GABPB1: variants seen among roughly 807,000 people sequenced by gnomAD.
GABPB1 encodes the protein GA-binding protein subunit beta-1.
GABPB1 carries 15 observed loss-of-function variants against 45.9 expected under a neutral mutation model. The observed-to-expected ratio is 0.33, with a 90% CI of 0.22 to 0.50. The LOEUF (loss-of-function observed/expected upper bound fraction) is 0.50. GABPB1 is among the 20% of genes least tolerant of loss of function. GABPB1 has a pLI of 0.98. For missense variants in GABPB1, 252 were observed against 457.5 expected (o/e 0.55, Z 4.10); for synonymous variants, 143 against 154.4 (o/e 0.93, Z 0.55).
chr15:50,340,644 G>A (rs2048324713), intron 1 of GABPB1, among the ~76,000 whole-genome samples: 1 of 149,372 alleles, frequency 6.7e-6, no homozygotes, highest in African/African-American at 2.5e-5. Context: ...TTAGTTCACA[G>A]AAAGAACTTC....
intron 1 of GABPB1, among the ~76,000 whole-genome samples, chr15:50,342,815 G>A (rs2048424534): frequency 6.6e-6 from 1 of 152,202 alleles, no homozygotes; most frequent in Non-Finnish European, 1.5e-5. Flanking sequence ...TTCTATAGTT[G>A]TTAGATAGGT....
At chr15:50,328,719 C>T (rs1273165061) in intron 1 of GABPB1, among the ~76,000 whole-genome samples, 1 of 152,146 alleles carries the variant, frequency 6.6e-6, no homozygotes, top group East Asian at 1.9e-4. Flanking sequence ...ATATCCAATT[C>T]CCAAACATTT....
chr15:50,290,545 C>G (rs980701933), intron 6 of GABPB1, among the ~76,000 whole-genome samples: 1 of 150,562 alleles, frequency 6.6e-6, no homozygotes, highest in Non-Finnish European at 1.5e-5. Flanking sequence ...GAGAAGAGAT[C>G]ATGCCACTGC....
chr15:50,296,270 T>A (rs117958884), intron 6 of GABPB1, among the ~76,000 whole-genome samples: 504 of 152,342 alleles, frequency 3.3e-3, no homozygotes, highest in Non-Finnish European at 5.3e-3. Context: ...ATGAGTGTAC[T>A]GATGGAGCTT....
chr15:50,280,976 A>C (rs2045953070), intron 8 of GABPB1, among the ~76,000 whole-genome samples: 1 of 152,232 alleles, frequency 6.6e-6, no homozygotes, highest in Non-Finnish European at 1.5e-5. Context: ...CGAGTGAGGT[A>C]GTCTAACAGT....
intron 1 of GABPB1, among the ~76,000 whole-genome samples, chr15:50,323,497 C>T (rs1057192786): frequency 1.3e-5 from 2 of 152,184 alleles, no homozygotes; most frequent in South Asian, 4.1e-4. Context: ...GGAGAGGTCA[C>T]TCAGCCTTTC....
intron 1 of GABPB1, chr15:50,354,647 G>A: frequency 2.3e-6 from 1 of 434,552 alleles, no homozygotes; most frequent in African/African-American, 2.2e-5. Context: ...CCACCCCGGG[G>A]CTGCCGCTCG....
intron 8 of GABPB1, 178 bp downstream of exon 8, chr15:50,285,890 C>G (rs1454903527): frequency 1.5e-5 from 21 of 1,360,518 alleles, no homozygotes; most frequent in Non-Finnish European, 1.9e-5. Flanking sequence ...TTCATTCATT[C>G]AATATTTATT....
chr15:50,296,181 C>T (rs978415534), intron 6 of GABPB1, among the ~76,000 whole-genome samples: 1 of 152,180 alleles, frequency 6.6e-6, no homozygotes, highest in African/African-American at 2.4e-5. Context: ...TCTGCTGCTA[C>T]ATTCTGGCTG....
intron 1 of GABPB1, among the ~76,000 whole-genome samples, chr15:50,325,530 T>A (rs1033894618): frequency 6.6e-6 from 1 of 152,128 alleles, no homozygotes; most frequent in African/African-American, 2.4e-5. Flanking sequence ...GTCAAACTTT[T>A]TTTTTTGTTT....
intron 7 of GABPB1, among the ~76,000 whole-genome samples, chr15:50,288,867 C>A (rs971286326): frequency 6.6e-6 from 1 of 151,898 alleles, no homozygotes. Context: ...TCTCTGTTGC[C>A]CAGGCTGGAA....
In GABPB1 at chr15:50,298,965, AAG is replaced by A. The variant is rs2046624728; in HGVS notation, c.697+1822_697+1823del. On this transcript the variant is annotated intron_variant, in intron 6 of 8. Coordinates refer to ENST00000380877, the MANE Select transcript of GABPB1 (RefSeq NM_016654.5). ...AGACTCCATGTCAAAAAAAAAAAAA[AAG>A]AAAGAGAAAAGAAAAGAAAAAGAGA... is the stretch of plus-strand genomic sequence containing the variant. 4.0e-5 allele frequency among the ~76,000 whole-genome samples: 6 copies of A among 151,612 alleles called. No homozygotes were observed. The South Asian group carries it at 1.0e-3, about 26-fold the overall frequency.
intron 1 of GABPB1, among the ~76,000 whole-genome samples, chr15:50,337,102 TATATATATATATATATATATATATATA>T (rs869223015): frequency 0.15 from 1,113 of 7,224 alleles, 84 homozygotes; most frequent in African/African-American, 0.38. Flanking sequence ...TATATATATA[TATATATATATATATATATATATATATA>T]ATATGAAGAG....
Position 50,308,098 on chromosome 15 carries a change from CTTCTG to C in GABPB1, c.108+1588_108+1592del, listed in dbSNP as rs2047008426. 2.0e-5 allele frequency among the ~76,000 whole-genome samples: 3 copies of C among 152,098 alleles called. No individual in the cohort carries two copies. The South Asian group carries it at 6.2e-4, about 32-fold the overall frequency. Reference sequence around the variant, plus strand: ...TTTATCTCAAGTCCTTATAGGTCTGCTTCTGTTGACAGTTGTTTTAGCAGATTACT... The same window carrying C: ...TTTATCTCAAGTCCTTATAGGTCTGCTTGACAGTTGTTTTAGCAGATTACT... On this transcript the variant is annotated intron_variant, in intron 2 of 8. Coordinates refer to ENST00000380877, the MANE Select transcript of GABPB1 (RefSeq NM_016654.5).
chr15:50,338,412 T>C (rs1595833872), intron 1 of GABPB1, among the ~76,000 whole-genome samples: 2 of 152,278 alleles, frequency 1.3e-5, no homozygotes, highest in East Asian at 1.9e-4. Flanking sequence ...CTTTGTCTTA[T>C]ATACAGTTAC....
At chr15:50,325,191 A>G (rs759515418) in intron 1 of GABPB1, among the ~76,000 whole-genome samples, 1 of 152,078 alleles carries the variant, frequency 6.6e-6, no homozygotes, top group Non-Finnish European at 1.5e-5. Context: ...AGGAAGAGGG[A>G]CAAGTGTACC....
At chr15:50,299,237 C>T (rs1230134380) in intron 6 of GABPB1, among the ~76,000 whole-genome samples, 1 of 152,082 alleles carries the variant, frequency 6.6e-6, no homozygotes, top group Non-Finnish European at 1.5e-5. Flanking sequence ...AATATAATGG[C>T]TTAAGCTACA....
intron 1 of GABPB1, among the ~76,000 whole-genome samples, chr15:50,341,297 G>T (rs1399427654): frequency 6.6e-6 from 1 of 152,096 alleles, no homozygotes; most frequent in East Asian, 1.9e-4. Flanking sequence ...ACTTTGGGAG[G>T]CCAAAGCAGG....
At chr15:50,284,075 G>A (rs938865345) in intron 8 of GABPB1, among the ~76,000 whole-genome samples, 3 of 151,988 alleles carry the variant, frequency 2.0e-5, no homozygotes, top group African/African-American at 2.4e-5. Flanking sequence ...ATCTCCTGAC[G>A]CTGCTTTAGA....
Sources: allele counts gnomAD v4.1 joint callset (sites outside exome capture counted in the v4.1 genomes callset), GRCh38; gene constraint gnomAD v4.1.1; transcripts MANE v1.5; gene names NCBI Gene and HGNC (gene_info 2026-07-23, HGNC 2026-07-21).